MYOT: variants seen among roughly 807,000 people sequenced by gnomAD.
MYOT encodes 57 kDa cytoskeletal protein.
MYOT carries 36 observed loss-of-function variants against 58.0 expected under a neutral mutation model. The ratio of observed to expected loss-of-function variants is 0.62; its 90% CI spans 0.48 to 0.82. The LOEUF (loss-of-function observed/expected upper bound fraction) is 0.82. Ranked by LOEUF, MYOT falls within the 40% of genes least tolerant of loss-of-function variation. MYOT has a pLI of 0.00. For missense variants in MYOT, 505 were observed against 592.1 expected, an observed-to-expected ratio of 0.85 and a Z score of 1.53; for synonymous variants, 218 against 204.6, an observed-to-expected ratio of 1.07 and a Z score of -0.56.
At chr5:137,871,047 T>A in intron 2 of MYOT, 40 bp downstream of exon 2, 1 of 1,562,592 alleles carries the variant, frequency 6.4e-7, no homozygotes, top group Non-Finnish European at 8.8e-7. Flanking sequence ...AGTGAACTTA[T>A]ATCTGAGGAG....
chr5:137,872,613 T>C (rs1755085394), intron 2 of MYOT, among the ~76,000 whole-genome samples: 1 of 152,186 alleles, frequency 6.6e-6, no homozygotes, highest in Non-Finnish European at 1.5e-5. Context: ...TGTCCAGCTG[T>C]GCAGAGTGGA....
chr5:137,871,298 T>C (rs983846114), intron 2 of MYOT, among the ~76,000 whole-genome samples: 2 of 152,212 alleles, frequency 1.3e-5, no homozygotes, highest in Non-Finnish European at 2.9e-5. Context: ...ATTTCTCACA[T>C]ACCAAAGAAC....
At chr5:137,879,022 A>G (rs1247282168) in intron 4 of MYOT, among the ~76,000 whole-genome samples, 1 of 151,946 alleles carries the variant, frequency 6.6e-6, no homozygotes, top group Non-Finnish European at 1.5e-5. Context: ...TCCAACATCT[A>G]CTTCCCAAGT....
rs1453557940 is a variant in MYOT, at chr5:137,871,127, C to T, written c.356+120C>T. ...TTTACTATCTAAAAAGGCAATGTGA[C>T]CTTACAGTCTCATTCCATAGTTCTA... is the stretch of plus-strand genomic sequence containing the variant. On this transcript the variant is annotated intron_variant, in intron 2 of 9. Transcript: ENST00000239926. 7 of 850,190 alleles carry T rather than the reference C, an allele frequency of 8.2e-6. No homozygotes were observed. The Admixed American group carries it at 1.4e-4, about 17-fold the overall frequency. 52.7% of individuals were successfully genotyped at this position (850,190 alleles called of 1,614,324 possible). A position where few individuals can be genotyped will look rare whatever the true frequency, so the allele number is the denominator to read the frequency against.
chr5:137,887,105 T>C, intron 9 of MYOT, 108 bp downstream of exon 9: 1 of 1,551,404 alleles, frequency 6.4e-7, no homozygotes, highest in South Asian at 1.1e-5. Context: ...TCCCCATATA[T>C]AATCAGTTTT....
In MYOT at chr5:137,882,010, G is replaced by T. The variant is rs774210863; in HGVS notation, c.721G>T (p.Asp241Tyr). ...STSRGDVNDQ[D>Y]AIQEKFYPPR... Reference sequence around the variant, plus strand: ...CTCAAGGGGAGATGTGAATGATCAGGATGCAATCCAGGAGAAATTTTACCC... The same window carrying T: ...CTCAAGGGGAGATGTGAATGATCAGTATGCAATCCAGGAGAAATTTTACCC... The change falls in exon 6 of 10, where the codon GAT becomes TAT. Residue 241 changes from aspartate to tyrosine, a missense_variant. Asp to Tyr is a radical substitution (Grantham distance 160, BLOSUM62 -3). Coordinates refer to ENST00000239926, the MANE Select transcript of MYOT (RefSeq NM_006790.3). The T allele has an allele frequency of 7.4e-6, 12 of 1,614,046 alleles. No homozygotes were observed. The highest frequency in any genetic ancestry group is 1.0e-5 in the Non-Finnish European group (12 of 1,179,896).
At chr5:137,875,287 A>C (rs1755173924) in intron 2 of MYOT, among the ~76,000 whole-genome samples, 1 of 152,208 alleles carries the variant, frequency 6.6e-6, no homozygotes, top group Non-Finnish European at 1.5e-5. Flanking sequence ...GTGGGAGCTA[A>C]ACATTGGGTA....
chr5:137,875,966 T>A lies in MYOT; in HGVS notation c.494T>A (p.Leu165Gln). The A allele has an allele frequency of 6.2e-7, 1 of 1,614,082 alleles. No homozygotes were observed. The highest frequency in any genetic ancestry group is 1.1e-5 in the South Asian group (1 of 91,084). ...EALIQDLERK[L>Q]KCKDTLLHNG... ...TTGATTCAAGATTTGGAAAGAAAGC[T>A]GAAATGCAAGGACACCCTTCTTCAT... Residue 165 changes from leucine to glutamine, a missense_variant, in exon 3 of 10, where the codon CTG (leucine) becomes CAG (glutamine). Transcript: ENST00000239926.
rs753321817 is a variant in MYOT at position 137,886,233 on chromosome 5, A to T, written c.1190+20A>T. On this transcript the variant is annotated intron_variant, in intron 8 of 9. Transcript: ENST00000239926. ...AATAAGGTAGGATATGTATTTCTAG[A>T]CTTACTATAGTTTATTTGGGTGAAT... The T allele has an allele frequency of 6.3e-7, 1 of 1,577,312 alleles. No homozygotes were observed. The highest frequency in any genetic ancestry group is 8.7e-7 in the Non-Finnish European group (1 of 1,149,830).
At chr5:137,876,741 T>C (rs1002497274) in intron 3 of MYOT, among the ~76,000 whole-genome samples, 1 of 152,062 alleles carries the variant, frequency 6.6e-6, no homozygotes, top group African/African-American at 2.4e-5. Flanking sequence ...GAGGCGTAGG[T>C]CGCCATGAGC....
At chr5:137,869,241 G>A (rs1561656585) in intron 1 of MYOT, among the ~76,000 whole-genome samples, 2 of 151,984 alleles carry the variant, frequency 1.3e-5, no homozygotes, top group African/African-American at 4.8e-5. Flanking sequence ...TCTCAGTATT[G>A]GCTTATACCA....
intron 1 of MYOT, among the ~76,000 whole-genome samples, chr5:137,868,365 T>C (rs1023182839): frequency 3.3e-5 from 5 of 152,162 alleles, no homozygotes; most frequent in African/African-American, 9.7e-5. Flanking sequence ...TCTTTGAAAT[T>C]CATTTAACAT....
Position 137,867,892 on chromosome 5 carries a change from A to G in MYOT, c.-273A>G, listed in dbSNP as rs1754919598. The G allele has an allele frequency of 6.6e-6, 1 of 152,208 alleles. No homozygotes were observed. Among genetic ancestry groups the G allele is most frequent in the Non-Finnish European group, 1.5e-5 (1 of 68,042 alleles). The allele number at this position is 152,208 out of a possible 1,614,324, so 9.4% of individuals were successfully genotyped here. A position where few individuals can be genotyped will look rare whatever the true frequency, so the allele number is the denominator to read the frequency against. Reference sequence around the variant, plus strand: ...CACTAGATTAGTCTGTGAGGGAAGGAGATGCCTCTTCCTTCCCTTCAATAG... The same window carrying G: ...CACTAGATTAGTCTGTGAGGGAAGGGGATGCCTCTTCCTTCCCTTCAATAG... On this transcript the variant is annotated 5_prime_UTR_variant, in exon 1 of 10. Coordinates refer to ENST00000239926, the MANE Select transcript of MYOT (RefSeq NM_006790.3).
intron 2 of MYOT, among the ~76,000 whole-genome samples, chr5:137,871,997 C>T (rs1383114389): frequency 6.6e-6 from 1 of 152,128 alleles, no homozygotes; most frequent in Non-Finnish European, 1.5e-5. Context: ...TTTCTACAAA[C>T]TCCTATTATT....
chr5:137,882,033 CCCA>C lies in MYOT; in HGVS notation c.749_751del (p.Pro250del). 1 of 1,613,972 alleles carries C rather than the reference CCCA, an allele frequency of 6.2e-7. No individual in the cohort carries two copies. The highest frequency in any genetic ancestry group is 8.5e-7 in the Non-Finnish European group (1 of 1,179,850). On this transcript the variant is annotated inframe_deletion, in exon 6 of 10. Transcript: ENST00000239926. ...AGGATGCAATCCAGGAGAAATTTTA[CCCA>C]CCACGTTTCATTCAAGTGCCAGAGA...
At chr5:137,870,126 TAAA>T (rs566265335) in intron 1 of MYOT, among the ~76,000 whole-genome samples, 3 of 86,908 alleles carry the variant, frequency 3.5e-5, no homozygotes, top group Admixed American at 2.6e-4. Context: ...CTGTCTCTAC[TAAA>T]AAAAAAAAAA....
intron 3 of MYOT, among the ~76,000 whole-genome samples, chr5:137,877,168 A>G (rs926348485): frequency 5.3e-5 from 8 of 151,920 alleles, no homozygotes; most frequent in African/African-American, 1.9e-4. Flanking sequence ...GGAGATCAAG[A>G]CCATCCTGGC....
In MYOT at chr5:137,887,261, C is replaced by A; in HGVS notation, c.1373C>A (p.Pro458Gln). 6.2e-7 allele frequency: 1 copy of A among 1,613,940 alleles called. No homozygotes were observed. The highest frequency in any genetic ancestry group is 1.1e-5 in the South Asian group (1 of 91,066). ...GCTCCTAAGCAGTTACGGGTTCGAC[C>A]AACATTCAGCAAATATTTAGCACTT... ...LPAPKQLRVR[P>Q]TFSKYLALNG... Residue 458 changes from proline to glutamine, a missense_variant, in exon 10 of 10, where the codon CCA (proline) becomes CAA (glutamine). Coordinates refer to ENST00000239926, the MANE Select transcript of MYOT (RefSeq NM_006790.3).
chr5:137,879,344 AT>A (rs1468618445), intron 4 of MYOT, among the ~76,000 whole-genome samples: 1 of 151,568 alleles, frequency 6.6e-6, no homozygotes, highest in African/African-American at 2.4e-5. Context: ...ACTTAAATTT[AT>A]TTTTGGCTAC....
Sources: allele counts gnomAD v4.1 joint callset (sites outside exome capture counted in the v4.1 genomes callset), GRCh38; gene constraint gnomAD v4.1.1; transcripts MANE v1.5; gene names NCBI Gene and HGNC (gene_info 2026-07-23, HGNC 2026-07-21).